The following NOX4 variants were observed in gnomAD, a reference collection of about 807,000 sequenced individuals.
NOX4 encodes the protein NADPH oxidase 4.
Under a neutral mutation model 87.6 loss-of-function variants are expected in NOX4, and 69 were observed. That is an observed-to-expected ratio of 0.79 (90% confidence interval 0.65 to 0.96). NOX4 has a LOEUF of 0.96. Ranked by LOEUF, NOX4 falls within the 40% of genes least tolerant of loss-of-function variation. The pLI, the probability that NOX4 is intolerant of heterozygous loss-of-function variation, is 0.00. For synonymous variants in NOX4, 275 were observed against 238.2 expected, an observed-to-expected ratio of 1.15 and a Z score of -1.42; for missense variants, 680 against 681.5, an observed-to-expected ratio of 1.00 and a Z score of 0.02.
chr11:89,552,816 C>A, the NOX4 span, among the ~76,000 whole-genome samples: 11 of 137,604 alleles, frequency 8.0e-5, no homozygotes, highest in South Asian at 2.5e-3. Context: ...GTAGGACAAA[C>A]TTTATCAAGT....
At chr11:89,458,335 A>G (rs973838499) in intron 2 of NOX4, among the ~76,000 whole-genome samples, 3 of 152,206 alleles carry the variant, frequency 2.0e-5, no homozygotes, top group Non-Finnish European at 4.4e-5. Flanking sequence ...GACTTAATGT[A>G]AAACCTAAAA....
intron 2 of NOX4, among the ~76,000 whole-genome samples, chr11:89,462,880 A>G (rs1258227637): frequency 1.3e-5 from 2 of 152,032 alleles, no homozygotes; most frequent in Admixed American, 1.3e-4. Flanking sequence ...TCAATGTTAA[A>G]GAAAGGAGAA....
chr11:89,368,111 T>C (rs1177669837), intron 12 of NOX4, among the ~76,000 whole-genome samples: 3 of 151,844 alleles, frequency 2.0e-5, no homozygotes, highest in Admixed American at 2.0e-4. Flanking sequence ...AGTGTATAAA[T>C]ATATTATAAC....
intron 7 of NOX4, among the ~76,000 whole-genome samples, chr11:89,431,793 C>T (rs895527048): frequency 1.1e-4 from 16 of 152,240 alleles, no homozygotes; most frequent in Admixed American, 2.0e-4. Context: ...GACAGTGTGG[C>T]GATTCCTCAG....
intron 2 of NOX4, among the ~76,000 whole-genome samples, chr11:89,464,850 C>T (rs1291268499): frequency 6.6e-6 from 1 of 152,080 alleles, no homozygotes; most frequent in African/African-American, 2.4e-5. Context: ...AACTAAATGC[C>T]GTTTCTCTCC....
intron 2 of NOX4, among the ~76,000 whole-genome samples, chr11:89,456,723 G>A (rs924441421): frequency 6.6e-6 from 1 of 152,198 alleles, no homozygotes; most frequent in Non-Finnish European, 1.5e-5. Flanking sequence ...GGACACTTGA[G>A]CTGGCAGAGA....
At chr11:89,425,937 G>A (rs985694975) in intron 7 of NOX4, among the ~76,000 whole-genome samples, 3 of 152,010 alleles carry the variant, frequency 2.0e-5, no homozygotes, top group Non-Finnish European at 4.4e-5. Context: ...AAGATTAGAG[G>A]AAATATATCT....
chr11:89,413,168 G>A (rs1942574532), intron 8 of NOX4, among the ~76,000 whole-genome samples: 1 of 152,014 alleles, frequency 6.6e-6, no homozygotes, highest in Non-Finnish European at 1.5e-5. Flanking sequence ...TGAAAACACA[G>A]GCAACAACCA....
At chr11:89,396,999 A>G (rs1313402459) in intron 11 of NOX4, among the ~76,000 whole-genome samples, 3 of 152,144 alleles carry the variant, frequency 2.0e-5, no homozygotes, top group East Asian at 3.9e-4. Flanking sequence ...CTCCACCCCA[A>G]TTCAACAGCA....
chr11:89,505,357 A>G, the NOX4 span, among the ~76,000 whole-genome samples: 9 of 152,086 alleles, frequency 5.9e-5, no homozygotes, highest in South Asian at 1.7e-3. Flanking sequence ...TGAGTAAATA[A>G]ATTAACATAT....
intron 11 of NOX4, among the ~76,000 whole-genome samples, chr11:89,377,870 TAGAC>T (rs1309599921): frequency 6.6e-6 from 1 of 152,200 alleles, no homozygotes; most frequent in Non-Finnish European, 1.5e-5. Context: ...TACTGCATGT[TAGAC>T]ATTTATACCT....
chr11:89,438,885 A>G (rs1944303617), intron 6 of NOX4, among the ~76,000 whole-genome samples: 1 of 52,300 alleles, frequency 1.9e-5, no homozygotes, highest in Non-Finnish European at 2.9e-5. Context: ...AATATATAAT[A>G]TATTATATAT....
intron 2 of NOX4, among the ~76,000 whole-genome samples, chr11:89,484,655 G>T (rs1946517136): frequency 6.6e-6 from 1 of 152,012 alleles, no homozygotes; most frequent in African/African-American, 2.4e-5. Context: ...AAAATGAAAA[G>T]TTAAGTAAAG....
At chr11:89,583,496 C>A in the NOX4 span, among the ~76,000 whole-genome samples, 6 of 152,114 alleles carry the variant, frequency 3.9e-5, no homozygotes, top group African/African-American at 7.2e-5. Flanking sequence ...TTTGAAAAAT[C>A]TTTATTGCTT....
At chr11:89,480,897 T>C (rs185328197) in intron 2 of NOX4, among the ~76,000 whole-genome samples, 18 of 152,276 alleles carry the variant, frequency 1.2e-4, no homozygotes, top group African/African-American at 4.3e-4. Flanking sequence ...TATTAAGTAA[T>C]GTTTTGTTGA....
intron 13 of NOX4, among the ~76,000 whole-genome samples, chr11:89,343,714 A>G (rs569850982): frequency 1.3e-5 from 2 of 152,270 alleles, no homozygotes; most frequent in Admixed American, 6.5e-5. Context: ...TGTTGCTATT[A>G]TCATAATATA....
At chr11:89,510,109 G>A in the NOX4 span, among the ~76,000 whole-genome samples, 54 of 152,156 alleles carry the variant, frequency 3.5e-4, no homozygotes, top group East Asian at 6.4e-3. Flanking sequence ...AGGCTACTGT[G>A]CAATGCACCT....
chr11:89,356,436 A>G (rs202235561), intron 12 of NOX4, among the ~76,000 whole-genome samples: 3 of 150,840 alleles, frequency 2.0e-5, no homozygotes, highest in East Asian at 2.0e-4. Flanking sequence ...GGGGAAAAAA[A>G]AAGGACAAAG....
chr11:89,480,753 A>G (rs1237239105), intron 2 of NOX4, among the ~76,000 whole-genome samples: 1 of 152,078 alleles, frequency 6.6e-6, no homozygotes, highest in East Asian at 1.9e-4. Context: ...CCATGAAAAG[A>G]TTGCAATGAA....
Sources: gnomAD v4.1 joint callset for allele counts (sites outside exome capture counted in the v4.1 genomes callset) on GRCh38, gnomAD v4.1.1 for gene constraint, MANE v1.5 for transcripts, NCBI Gene and HGNC (gene_info 2026-07-23, HGNC 2026-07-21) for gene names.